TENM2: variants seen among roughly 807,000 people sequenced by gnomAD.
TENM2 encodes teneurin transmembrane protein 2, also known as teneurin-2.
TENM2 carries 52 observed loss-of-function variants against 245.2 expected under a neutral mutation model. The ratio of observed to expected loss-of-function variants is 0.21; its 90% CI spans 0.17 to 0.27. TENM2 has a LOEUF of 0.27. Ranked by LOEUF, TENM2 falls within the 10% of genes least tolerant of loss-of-function variation. The probability of loss-of-function intolerance (pLI) is 1.00; values close to 1 mark genes in which losing one functional copy is unlikely to be tolerated. For synonymous variants in TENM2, 1,363 were observed against 1,438.9 expected, an observed-to-expected ratio of 0.95 and a Z score of 1.19; for missense variants, 3,046 against 3,666.8, an observed-to-expected ratio of 0.83 and a Z score of 4.37.
intron 2 of TENM2, among the ~76,000 whole-genome samples, chr5:167,862,444 A>G (rs1324719814): frequency 6.6e-6 from 1 of 152,216 alleles, no homozygotes. Flanking sequence ...GCTATTTCAG[A>G]CAAAAATCAG....
At chr5:167,140,638 G>T in the TENM2 span, among the ~76,000 whole-genome samples, 5 of 152,138 alleles carry the variant, frequency 3.3e-5, no homozygotes, top group African/African-American at 7.2e-5. Context: ...GAGTCTTGTA[G>T]TAAAACAAAT....
intron 2 of TENM2, among the ~76,000 whole-genome samples, chr5:167,473,652 T>C (rs1054914399): frequency 1.3e-5 from 2 of 152,172 alleles, no homozygotes; most frequent in Admixed American, 1.3e-4. Context: ...AGAAGTGTTA[T>C]TGTAGATTGT....
chr5:167,293,206 G>T (rs917610440), intron 1 of TENM2, among the ~76,000 whole-genome samples: 3 of 151,742 alleles, frequency 2.0e-5, no homozygotes, highest in African/African-American at 7.3e-5. Flanking sequence ...TTTTTTGTTT[G>T]TTTGTTTGTT....
intron 4 of TENM2, among the ~76,000 whole-genome samples, chr5:167,983,542 A>G (rs1457145165): frequency 6.6e-6 from 1 of 152,212 alleles, no homozygotes; most frequent in Non-Finnish European, 1.5e-5. Context: ...TATGAGCCGA[A>G]AGGTTCAGGG....
chr5:167,304,781 C>T (rs1343749632), intron 1 of TENM2, among the ~76,000 whole-genome samples: 1 of 152,004 alleles, frequency 6.6e-6, no homozygotes, highest in Non-Finnish European at 1.5e-5. Context: ...GTTTTGAGTA[C>T]ATGGGAGTTT....
At chr5:168,203,961 T>C (rs1214851283) in intron 18 of TENM2, 129 bp downstream of exon 20, 2 of 597,124 alleles carry the variant, frequency 3.3e-6, no homozygotes, top group Non-Finnish European at 5.3e-6. Context: ...GCCCAAAATA[T>C]GCATGGATTT....
chr5:168,139,571 T>A, intron 12 of TENM2: 2 of 456,352 alleles, frequency 4.4e-6, no homozygotes, highest in Admixed American at 4.7e-5. Flanking sequence ...CTTTCCTCTG[T>A]GAGGGGACTG....
intron 2 of TENM2, among the ~76,000 whole-genome samples, chr5:167,467,699 T>C (rs1366653022): frequency 1.3e-5 from 2 of 152,164 alleles, no homozygotes; most frequent in African/African-American, 4.8e-5. Flanking sequence ...ACATATTTTA[T>C]AGAACACCGT....
intron 2 of TENM2, among the ~76,000 whole-genome samples, chr5:167,396,085 T>C (rs1762033674): frequency 6.6e-6 from 1 of 152,162 alleles, no homozygotes; most frequent in Admixed American, 6.6e-5. Context: ...AATTACCCTA[T>C]GATCTAGCAT....
chr5:167,210,345 G>C, the TENM2 span, among the ~76,000 whole-genome samples: 1 of 151,878 alleles, frequency 6.6e-6, no homozygotes, highest in Non-Finnish European at 1.5e-5. Context: ...CTGCAAAGCA[G>C]TCCTAAATAT....
At chr5:167,912,026 A>G (rs903799882) in intron 3 of TENM2, among the ~76,000 whole-genome samples, 3 of 152,206 alleles carry the variant, frequency 2.0e-5, no homozygotes, top group African/African-American at 7.2e-5. Context: ...CTTAAAATCT[A>G]CTCATAGCAA....
intron 2 of TENM2, among the ~76,000 whole-genome samples, chr5:167,701,053 A>C (rs1306857767): frequency 6.6e-6 from 1 of 151,628 alleles, no homozygotes; most frequent in South Asian, 2.1e-4. Flanking sequence ...GGAATTATTC[A>C]GGTAAAAATA....
chr5:168,255,683 T>G (rs1238883556), intron 27 of TENM2, among the ~76,000 whole-genome samples: 1 of 152,194 alleles, frequency 6.6e-6, no homozygotes, highest in Non-Finnish European at 1.5e-5. Flanking sequence ...CAAAATCAAG[T>G]ACTCTAATTT....
the TENM2 span, among the ~76,000 whole-genome samples, chr5:167,042,986 C>A: frequency 6.6e-6 from 1 of 152,192 alleles, no homozygotes; most frequent in Non-Finnish European, 1.5e-5. Context: ...CAAGGACTTC[C>A]AGTTGGCCAG....
intron 3 of TENM2, among the ~76,000 whole-genome samples, chr5:167,917,992 T>G (rs1207846047): frequency 1.3e-5 from 2 of 152,210 alleles, no homozygotes; most frequent in Non-Finnish European, 2.9e-5. Context: ...TTACTATTTT[T>G]GGCTATAAAA....
At chr5:167,545,392 C>T (rs768809533) in intron 2 of TENM2, among the ~76,000 whole-genome samples, 12 of 152,154 alleles carry the variant, frequency 7.9e-5, no homozygotes, top group Non-Finnish European at 1.5e-4. Flanking sequence ...TCTATGAAAA[C>T]AGATCAGTCA....
the TENM2 span, among the ~76,000 whole-genome samples, chr5:167,131,981 C>A: frequency 1.3e-5 from 2 of 152,004 alleles, no homozygotes; most frequent in African/African-American, 4.8e-5. Flanking sequence ...TGCCACCATG[C>A]CCGGATAATT....
chr5:167,074,366 G>C, the TENM2 span, among the ~76,000 whole-genome samples: 1 of 152,092 alleles, frequency 6.6e-6, no homozygotes, highest in Non-Finnish European at 1.5e-5. Context: ...CTATGTCTTA[G>C]GTGGCCGAGG....
the TENM2 span, among the ~76,000 whole-genome samples, chr5:167,278,013 G>T: frequency 6.6e-6 from 1 of 151,914 alleles, no homozygotes; most frequent in African/African-American, 2.4e-5. Flanking sequence ...TATATAAAAT[G>T]ACTTTCTTGG....
Sources: gnomAD v4.1 joint callset for allele counts (sites outside exome capture counted in the v4.1 genomes callset) on GRCh38, gnomAD v4.1.1 for gene constraint, MANE v1.5 for transcripts, NCBI Gene and HGNC (gene_info 2026-07-23, HGNC 2026-07-21) for gene names.